The following ADCYAP1R1 variants were observed in gnomAD, a reference collection of about 807,000 sequenced individuals.
The protein encoded by ADCYAP1R1 is pituitary adenylate cyclase-activating polypeptide type I receptor.
ADCYAP1R1 carries 44 observed loss-of-function variants against 67.6 expected under a neutral mutation model. The observed-to-expected ratio is 0.65, with a 90% CI of 0.51 to 0.84. The LOEUF (loss-of-function observed/expected upper bound fraction) is 0.84, where lower values mean the gene tolerates loss of function less well. Ranked by LOEUF, ADCYAP1R1 falls within the 40% of genes least tolerant of loss-of-function variation. ADCYAP1R1 has a pLI of 0.00. For synonymous variants in ADCYAP1R1, 222 were observed against 219.6 expected (o/e 1.01, Z -0.10); for missense variants, 477 against 587.9 (o/e 0.81, Z 1.95).
At chr7:31,094,567 A>T (rs926968034) in intron 13 of ADCYAP1R1, among the ~76,000 whole-genome samples, 4 of 151,836 alleles carry the variant, frequency 2.6e-5, no homozygotes, top group Non-Finnish European at 5.9e-5. Context: ...GGGCCCCCCA[A>T]CCTCTTCTCT....
At chr7:31,069,032 G>A (rs182731112) in intron 3 of ADCYAP1R1, among the ~76,000 whole-genome samples, 11 of 152,120 alleles carry the variant, frequency 7.2e-5, no homozygotes, top group African/African-American at 1.7e-4. Context: ...TGCTGATGTC[G>A]AGGCCCCTCT....
In ADCYAP1R1 at chr7:31,060,734, C is replaced by A. The variant is rs146890336; in HGVS notation, c.-71-2460C>A. Among the ~76,000 whole-genome samples, 240 of 152,192 alleles carry A rather than the reference C, an allele frequency of 1.6e-3. 1 individual carries two copies. Among genetic ancestry groups the A allele is most frequent in the African/African-American group, 5.5e-3 (227 of 41,522 alleles). On this transcript the variant is annotated intron_variant, in intron 1 of 15. Transcript: ENST00000304166. ...AGAGAGAAAGAGAGAGAAACAGAATCAGAAATCCACCAGTCCTCAAAACAC... is the reference window on the plus strand; with the variant it reads ...AGAGAGAAAGAGAGAGAAACAGAATAAGAAATCCACCAGTCCTCAAAACAC...
rs1055370275 is a variant in ADCYAP1R1 at position 31,102,003 on chromosome 7, TCTC to T, written c.1047-1228_1047-1226del. On this transcript the variant is annotated intron_variant, in intron 13 of 15. Transcript: ENST00000304166. This position sits in a 1 kb window ranked among gnomAD's most constrained non-coding sequence, Gnocchi z 4.3. ...TCAGGCTGCTCCTCCTCCCCCTGTG[TCTC>T]CTCCTTCCTTCCTTCTCCTCTCTGA... is the stretch of plus-strand genomic sequence containing the variant. 1.3e-5 allele frequency among the ~76,000 whole-genome samples: 2 copies of T among 152,156 alleles called. No homozygotes were observed. Among genetic ancestry groups the T allele is most frequent in the Non-Finnish European group, 2.9e-5 (2 of 68,024 alleles).
intron 13 of ADCYAP1R1, among the ~76,000 whole-genome samples, chr7:31,098,716 G>GC (rs1375225061): frequency 3.1e-4 from 27 of 86,810 alleles, no homozygotes; most frequent in Admixed American, 8.2e-4. Flanking sequence ...GGGGGGGGGG[G>GC]GGACCTGGGC....
chr7:31,062,780 TTCA>T (rs1175759173), intron 1 of ADCYAP1R1, among the ~76,000 whole-genome samples: 3 of 152,194 alleles, frequency 2.0e-5, no homozygotes, highest in African/African-American at 7.2e-5. Flanking sequence ...TGCTAATAAC[TTCA>T]TCATGTGCCC....
At chr7:31,080,077 T>C (rs1447061409) in intron 4 of ADCYAP1R1, among the ~76,000 whole-genome samples, 2 of 152,378 alleles carry the variant, frequency 1.3e-5, no homozygotes, top group East Asian at 3.9e-4. Context: ...AGACTCCGTC[T>C]TCTCAACAAC....
chr7:31,076,885 GGGAGAGGCTGCT>G (rs1422973585), intron 3 of ADCYAP1R1, among the ~76,000 whole-genome samples: 1 of 152,110 alleles, frequency 6.6e-6, no homozygotes, highest in Non-Finnish European at 1.5e-5. Flanking sequence ...GTGGGCATGT[GGGAGAGGCTGCT>G]GCAGAGACCC....
At chr7:31,089,480 G>A (rs1795878237) in intron 12 of ADCYAP1R1, among the ~76,000 whole-genome samples, 1 of 147,932 alleles carries the variant, frequency 6.8e-6, no homozygotes, top group Admixed American at 6.7e-5. Flanking sequence ...AATGTGTTTT[G>A]GAGGCATTCA....
At chr7:31,081,819 C>A in intron 6 of ADCYAP1R1, 65 bp downstream of exon 6, 1 of 1,371,250 alleles carries the variant, frequency 7.3e-7, no homozygotes, top group Non-Finnish European at 1.0e-6. Context: ...GACATGTGAG[C>A]TTTGAGAACC....
rs1796814782 is a variant in ADCYAP1R1, at chr7:31,110,339, C to T, written c.*3655C>T. 1 of 152,180 alleles carries T rather than the reference C, an allele frequency of 6.6e-6. No homozygotes were observed. Among genetic ancestry groups the T allele is most frequent in the Non-Finnish European group, 1.5e-5 (1 of 68,038 alleles). 9.4% of individuals were successfully genotyped at this position (152,180 alleles called of 1,614,324 possible). On this transcript the variant is annotated 3_prime_UTR_variant, in exon 16 of 16. Coordinates refer to ENST00000304166, the MANE Select transcript of ADCYAP1R1 (RefSeq NM_001118.5). Reference sequence around the variant, plus strand: ...GAGCAAGGACTTGGGCTTCTCCACGCTTTGCTCCTGGCTTGTTTGACCTTG... The same window carrying T: ...GAGCAAGGACTTGGGCTTCTCCACGTTTTGCTCCTGGCTTGTTTGACCTTG...
Position 31,102,214 on chromosome 7 carries a change from A to T in ADCYAP1R1, c.1047-1023A>T, listed in dbSNP as rs1379218915. 7.2e-5 allele frequency among the ~76,000 whole-genome samples: 11 copies of T among 152,116 alleles called. No individual in the cohort carries two copies. The highest frequency in any genetic ancestry group is 6.5e-4 in the Admixed American group (10 of 15,274). On this transcript the variant is annotated intron_variant, in intron 13 of 15. Transcript: ENST00000304166. This position sits in a 1 kb window ranked among gnomAD's most constrained non-coding sequence, Gnocchi z 4.3. ...TCATGCCTGCTGTCCACCCCGGGGG[A>T]CTTAGCTGTGCTGGGAGATGGGGAG...
At chr7:31,105,223 A>G (rs904486700) in intron 15 of ADCYAP1R1, among the ~76,000 whole-genome samples, 1 of 152,204 alleles carries the variant, frequency 6.6e-6, no homozygotes, top group African/African-American at 2.4e-5. Flanking sequence ...TCCTCTCCAT[A>G]AGACACTCCG....
chr7:31,095,862 G>T, intron 13 of ADCYAP1R1: 1 of 639,614 alleles, frequency 1.6e-6, no homozygotes, highest in East Asian at 2.7e-5. Context: ...TCTGCGGGGG[G>T]ACGGTGGCAC....
At chr7:31,093,545 G>A (rs959916102) in intron 13 of ADCYAP1R1, among the ~76,000 whole-genome samples, 4 of 152,152 alleles carry the variant, frequency 2.6e-5, no homozygotes, top group Admixed American at 6.5e-5. Flanking sequence ...AGCTGGGTGT[G>A]TGGGGTATGA....
At chr7:31,054,380 A>C (rs937087209) in intron 1 of ADCYAP1R1, among the ~76,000 whole-genome samples, 33 of 152,154 alleles carry the variant, frequency 2.2e-4, no homozygotes, top group Admixed American at 1.3e-4. Context: ...ATCTAAGCTA[A>C]GGGGTGCATT....
chr7:31,066,329 A>T (rs1207655867), intron 3 of ADCYAP1R1, among the ~76,000 whole-genome samples: 1 of 152,176 alleles, frequency 6.6e-6, no homozygotes, highest in African/African-American at 2.4e-5. Context: ...GGAAGAATAA[A>T]GGTAGGGGCT....
intron 15 of ADCYAP1R1, 43 bp downstream of exon 15, chr7:31,104,952 C>A: frequency 6.2e-7 from 1 of 1,605,266 alleles, no homozygotes; most frequent in Non-Finnish European, 8.5e-7. Flanking sequence ...GGAAGTGGGG[C>A]TTTCTGGGGA....
At chr7:31,093,415 A>G (rs1454540727) in intron 13 of ADCYAP1R1, among the ~76,000 whole-genome samples, 6 of 152,110 alleles carry the variant, frequency 3.9e-5, no homozygotes, top group African/African-American at 7.2e-5. Flanking sequence ...TTCTGCAGTC[A>G]TGTCCCTAAC....
chr7:31,096,380 A>G (rs1032140846), intron 13 of ADCYAP1R1, among the ~76,000 whole-genome samples: 13 of 152,258 alleles, frequency 8.5e-5, no homozygotes, highest in South Asian at 6.2e-4. Context: ...CTTCCTCCAC[A>G]TCCAGAGCCT....
Sources: allele counts gnomAD v4.1 joint callset (sites outside exome capture counted in the v4.1 genomes callset), GRCh38; gene constraint gnomAD v4.1.1; non-coding constraint Gnocchi (gnomAD v3.1); transcripts MANE v1.5; gene names NCBI Gene and HGNC (gene_info 2026-07-23, HGNC 2026-07-21).